SESN1: variants seen among roughly 807,000 people sequenced by gnomAD.
The protein encoded by SESN1 is sestrin-1.
Under a neutral mutation model 59.3 loss-of-function variants are expected in SESN1, and 30 were observed. The ratio of observed to expected loss-of-function variants is 0.51; its 90% CI spans 0.38 to 0.69. The LOEUF is 0.69. Among genes scored for constraint, SESN1 ranks in the 30% least tolerant of loss-of-function variants. SESN1 has a pLI of 0.00. For synonymous variants in SESN1, 197 were observed against 219.9 expected (o/e 0.90, Z 0.92); for missense variants, 566 against 673.0 (o/e 0.84, Z 1.76).
At chr6:109,045,183 C>G (rs952400351) in intron 1 of SESN1, among the ~76,000 whole-genome samples, 1 of 152,152 alleles carries the variant, frequency 6.6e-6, no homozygotes, top group Non-Finnish European at 1.5e-5. Flanking sequence ...GACACCCTTA[C>G]TAACCTCTTG....
Position 108,985,749 on chromosome 6 carries a change from AT to A in SESN1, c.*1794del, listed in dbSNP as rs1265265903. ...AAAGAGCAGAAATGGGATAAGTAAAATTTTAACTATCTTCTTGGGTTCAATT... is the reference window on the plus strand; with the variant it reads ...AAAGAGCAGAAATGGGATAAGTAAAATTTAACTATCTTCTTGGGTTCAATT... On this transcript the variant is annotated 3_prime_UTR_variant, in exon 10 of 10. Transcript: ENST00000436639. 6.6e-6 allele frequency among the ~76,000 whole-genome samples: 1 copy of A among 152,282 alleles called. No individual in the cohort carries two copies. Among genetic ancestry groups the A allele is most frequent in the East Asian group, 1.9e-4 (1 of 5,184 alleles).
intron 1 of SESN1, among the ~76,000 whole-genome samples, chr6:109,062,906 T>C (rs1264085808): frequency 1.3e-5 from 2 of 152,184 alleles, no homozygotes; most frequent in Non-Finnish European, 2.9e-5. Context: ...AAATACCTCA[T>C]TATACTGTAC....
chr6:109,009,083 C>T, intron 1 of SESN1: 2 of 856,486 alleles, frequency 2.3e-6, no homozygotes, highest in Non-Finnish European at 3.0e-6. Flanking sequence ...TTTACATGAC[C>T]GCGGCCGCAG....
At chr6:109,001,627 T>A (rs2114308396) in intron 2 of SESN1, 139 bp from the exon 3 acceptor site, 2 of 718,588 alleles carry the variant, frequency 2.8e-6, no homozygotes, top group East Asian at 5.4e-5. Context: ...AAATTTAAAC[T>A]CAACTGGTTG....
chr6:109,087,013 TC>T (rs1321329413), intron 1 of SESN1, among the ~76,000 whole-genome samples: 2 of 152,052 alleles, frequency 1.3e-5, no homozygotes. Flanking sequence ...CCACCTGTAA[TC>T]CCAGCTACTC....
rs1353317685 is a variant in SESN1, at chr6:108,986,836, C to T, written c.*708G>A. On this transcript the variant is annotated 3_prime_UTR_variant, in exon 10 of 10. Coordinates refer to ENST00000436639, the MANE Select transcript of SESN1 (RefSeq NM_014454.3). ...GATCGCCAGCTTCTTATAATTTACA[C>T]ACTTTCATTTAGGATTGCTTTTTGA... The T allele has an allele frequency of 6.6e-6, 1 of 152,218 alleles. No homozygotes were observed. The highest frequency in any genetic ancestry group is 1.5e-5 in the Non-Finnish European group (1 of 68,046). 9.4% of individuals were successfully genotyped at this position (152,218 alleles called of 1,614,324 possible). A position where few individuals can be genotyped will look rare whatever the true frequency, so the allele number is the denominator to read the frequency against.
intron 1 of SESN1, among the ~76,000 whole-genome samples, chr6:109,037,895 G>A (rs1435711778): frequency 2.6e-5 from 4 of 151,386 alleles, no homozygotes; most frequent in Admixed American, 6.6e-5. Flanking sequence ...GATGTTCAAC[G>A]ATGCCTATAA....
intron 1 of SESN1, among the ~76,000 whole-genome samples, chr6:109,012,098 C>A (rs186046808): frequency 2.0e-5 from 3 of 152,126 alleles, no homozygotes; most frequent in African/African-American, 4.8e-5. Context: ...TACAGGCATG[C>A]GATAAACATC....
In SESN1 at chr6:109,001,404, T is replaced by A. The variant is rs1381565272; in HGVS notation, c.430A>T (p.Thr144Ser). ...TGTGGGTGGAAAACCATCACTAACG[T>A]AATGTTATCCAAACGGCCCAAAGCA... is the stretch of plus-strand genomic sequence containing the variant. ...FAALGRLDNI[T>S]LVMVFHPQYL... Residue 144 changes from threonine (T) to serine (S), a missense_variant, in exon 3 of 10, where the codon ACG (threonine) becomes TCG (serine). Physicochemically the swap from Thr to Ser is moderately conservative, Grantham distance 58. Transcript: ENST00000436639. 1.9e-6 allele frequency: 3 copies of A among 1,613,870 alleles called. No individual in the cohort carries two copies. In the Admixed American group the frequency reaches 5.0e-5, roughly 27 times the overall value.
At chr6:109,079,041 G>A (rs991082281) in intron 1 of SESN1, among the ~76,000 whole-genome samples, 1 of 151,868 alleles carries the variant, frequency 6.6e-6, no homozygotes, top group Non-Finnish European at 1.5e-5. Context: ...ATTGTAGACT[G>A]GAATTGGATA....
At chr6:109,063,355 G>A (rs1400264620) in intron 1 of SESN1, among the ~76,000 whole-genome samples, 2 of 152,142 alleles carry the variant, frequency 1.3e-5, no homozygotes, top group East Asian at 3.9e-4. Flanking sequence ...GGGGTTGGGG[G>A]GAAGGCCAGT....
intron 1 of SESN1, among the ~76,000 whole-genome samples, chr6:109,043,864 A>G (rs143096201): frequency 2.5e-4 from 38 of 152,334 alleles, no homozygotes; most frequent in Non-Finnish European, 4.1e-4. Flanking sequence ...TGGAAAGGCA[A>G]AAGACCTAGA....
intron 1 of SESN1, among the ~76,000 whole-genome samples, chr6:109,071,027 A>G (rs1003381851): frequency 5.3e-5 from 8 of 152,314 alleles, no homozygotes; most frequent in Admixed American, 4.6e-4. Context: ...AGAAAAAGCT[A>G]CAGTCAGTCC....
intron 1 of SESN1, among the ~76,000 whole-genome samples, chr6:109,008,193 G>A (rs1033495484): frequency 2.0e-5 from 3 of 152,124 alleles, no homozygotes; most frequent in African/African-American, 7.2e-5. Context: ...GCAAGAACCA[G>A]GACTCTGCAC....
chr6:109,005,071 A>T (rs1779706422), intron 1 of SESN1, among the ~76,000 whole-genome samples: 1 of 152,244 alleles, frequency 6.6e-6, no homozygotes, highest in Admixed American at 6.5e-5. Flanking sequence ...TTCCATCCTA[A>T]GTGTTAACCT....
chr6:109,012,360 G>A (rs1650925397), intron 1 of SESN1, among the ~76,000 whole-genome samples: 1 of 151,512 alleles, frequency 6.6e-6, no homozygotes. Flanking sequence ...TAGTAATTCT[G>A]AAATATTTCC....
At chr6:109,039,246 C>G (rs1237629450) in intron 1 of SESN1, among the ~76,000 whole-genome samples, 1 of 152,004 alleles carries the variant, frequency 6.6e-6, no homozygotes, top group Admixed American at 6.6e-5. Flanking sequence ...AGACCATGAC[C>G]AAAGATAAAT....
chr6:109,075,731 G>A (rs1443418594), intron 1 of SESN1, among the ~76,000 whole-genome samples: 2 of 152,148 alleles, frequency 1.3e-5, no homozygotes, highest in Non-Finnish European at 2.9e-5. Context: ...TCCCAGCTAA[G>A]GTGTAAGCAG....
intron 1 of SESN1, among the ~76,000 whole-genome samples, chr6:109,039,234 G>C (rs1175254750): frequency 1.3e-5 from 2 of 152,112 alleles, no homozygotes; most frequent in Non-Finnish European, 2.9e-5. Context: ...AGAGGGTAGG[G>C]AAGACCATGA....
Sources: gnomAD v4.1 joint callset for allele counts (sites outside exome capture counted in the v4.1 genomes callset) on GRCh38, gnomAD v4.1.1 for gene constraint, MANE v1.5 for transcripts, NCBI Gene and HGNC (gene_info 2026-07-23, HGNC 2026-07-21) for gene names.